SPTLC3: variants seen among roughly 807,000 people sequenced by gnomAD.
SPTLC3 encodes serine palmitoyltransferase long chain base subunit 3, also known as serine palmitoyltransferase 3.
A neutral mutation model predicts 59.3 loss-of-function variants in SPTLC3; 36 were observed. That is an observed-to-expected ratio of 0.61 (90% CI 0.47 to 0.80). SPTLC3 has a LOEUF of 0.80. SPTLC3 is among the 30% of genes least tolerant of loss of function. SPTLC3 has a pLI of 0.00. For missense variants in SPTLC3, 625 were observed against 685.1 expected, an observed-to-expected ratio of 0.91 and a Z score of 0.98; for synonymous variants, 257 against 240.8, an observed-to-expected ratio of 1.07 and a Z score of -0.62.
intron 2 of SPTLC3, among the ~76,000 whole-genome samples, chr20:13,055,704 C>T (rs1354795500): frequency 6.6e-6 from 1 of 152,052 alleles, no homozygotes; most frequent in Non-Finnish European, 1.5e-5. Flanking sequence ...AGAGTTGTTT[C>T]CTAGAAAGCC....
At chr20:13,111,373 T>G (rs930460477) in intron 7 of SPTLC3, among the ~76,000 whole-genome samples, 44 of 152,170 alleles carry the variant, frequency 2.9e-4, no homozygotes, top group African/African-American at 9.7e-4. Flanking sequence ...CTAGGCACAT[T>G]TGGCGATTTT....
chr20:13,071,368 G>A (rs982210397), intron 2 of SPTLC3, among the ~76,000 whole-genome samples: 2 of 152,062 alleles, frequency 1.3e-5, no homozygotes, highest in African/African-American at 2.4e-5. Context: ...GCATTCCTAC[G>A]CGTGATGTTA....
chr20:13,074,685 T>A (rs1988579585), intron 4 of SPTLC3, among the ~76,000 whole-genome samples, 188 bp downstream of exon 4: 1 of 152,258 alleles, frequency 6.6e-6, no homozygotes, highest in South Asian at 2.1e-4. Context: ...ATTAATTGCA[T>A]GTTTCAATTC....
chr20:13,166,003 A>G lies in SPTLC3; in HGVS notation c.*1136A>G, dbSNP rs1386405770. The G allele has an allele frequency of 6.6e-6, 1 of 152,500 alleles. No homozygotes were observed. Among genetic ancestry groups the G allele is most frequent in the African/African-American group, 2.4e-5 (1 of 41,446 alleles). 9.4% of individuals were successfully genotyped at this position (152,500 alleles called of 1,614,324 possible). ...CTTCTCAACATGAACACAAACCTCT[A>G]TGGAAAAGTAGCCTCTTGTTAATCT... On this transcript the variant is annotated 3_prime_UTR_variant, in exon 12 of 12. Coordinates refer to ENST00000399002, the MANE Select transcript of SPTLC3 (RefSeq NM_018327.4).
intron 8 of SPTLC3, 39 bp from the exon 9 acceptor site, chr20:13,126,552 T>G (rs1424528920): frequency 6.2e-7 from 1 of 1,609,264 alleles, no homozygotes; most frequent in African/African-American, 1.3e-5. Context: ...GTGTTGAGAT[T>G]TATTTGCCTT....
intron 4 of SPTLC3, among the ~76,000 whole-genome samples, chr20:13,087,135 T>C (rs544004015): frequency 6.6e-6 from 1 of 152,264 alleles, no homozygotes; most frequent in African/African-American, 2.4e-5. Flanking sequence ...GAAAGGATCT[T>C]GTAGGGAGCA....
chr20:13,164,657 C>T (rs951027879), intron 11 of SPTLC3, 97 bp from the exon 12 acceptor site: 3 of 856,018 alleles, frequency 3.5e-6, no homozygotes, highest in Middle Eastern at 4.4e-4. Flanking sequence ...CAAACTAAGA[C>T]TGTGTGTCTT....
rs2037879064 is a variant in SPTLC3, at chr20:13,122,033, C to G, written c.1152+4308C>G. On this transcript the variant is annotated intron_variant, in intron 8 of 11. Transcript: ENST00000399002. ...GTCTGATCTTTGTCAGTGATGGTCC[C>G]CAAGCTAAGAGACAATTGCTACACT... Among the ~76,000 whole-genome samples, 3 of 152,102 alleles carry G rather than the reference C, an allele frequency of 2.0e-5. No individual in the cohort carries two copies. The South Asian group carries it at 6.2e-4, about 32-fold the overall frequency.
At position 13,166,100 on chromosome 20, in the gene SPTLC3, G is replaced by A. The variant is rs1439588565; in HGVS notation, c.*1233G>A. ...AAGCTCCCAGAGGGTGCCCAGATTT[G>A]GAAATTCTAGAGAGCAGTGGTGACC... On this transcript the variant is annotated 3_prime_UTR_variant, in exon 12 of 12. Coordinates refer to ENST00000399002, the MANE Select transcript of SPTLC3 (RefSeq NM_018327.4). 2 of 152,608 alleles carry A rather than the reference G, an allele frequency of 1.3e-5. No homozygotes were observed. Among genetic ancestry groups the A allele is most frequent in the Non-Finnish European group, 2.9e-5 (2 of 68,030 alleles). The allele number at this position is 152,608 out of a possible 1,614,324, so 9.5% of individuals were successfully genotyped here. A position where few individuals can be genotyped will look rare whatever the true frequency, so the allele number is the denominator to read the frequency against.
chr20:13,093,553 A>G lies in SPTLC3; in HGVS notation c.802A>G (p.Thr268Ala), dbSNP rs1989305470. Residue 268 changes from threonine (T) to alanine (A), a missense_variant, in exon 6 of 12, where the codon ACC (threonine) becomes GCC (alanine). Thr to Ala is a moderately conservative substitution (Grantham distance 58). Transcript: ENST00000399002. The stretch of plus-strand genomic sequence containing the variant: ...GCTTGGGGCCCGACTCTCAGGTGCA[A>G]CCATAAGAATCTTCAAACACAACAG... ...LVLGARLSGA[T>A]IRIFKHNNTQ... The G allele has an allele frequency of 6.2e-7, 1 of 1,613,558 alleles. No individual in the cohort carries two copies. Among genetic ancestry groups the G allele is most frequent in the Non-Finnish European group, 8.5e-7 (1 of 1,179,534 alleles).
At chr20:13,133,159 C>T (rs2038164192) in intron 9 of SPTLC3, 1 of 152,376 alleles carries the variant, frequency 6.6e-6, no homozygotes, top group African/African-American at 2.4e-5. Context: ...TGCCAGGCCT[C>T]TTTCCCTATC....
chr20:13,135,451 T>C (rs1421794016), intron 9 of SPTLC3, among the ~76,000 whole-genome samples: 2 of 152,170 alleles, frequency 1.3e-5, no homozygotes, highest in Non-Finnish European at 2.9e-5. Flanking sequence ...TGGCACTTTT[T>C]TGAAAAAAGA....
intron 8 of SPTLC3, among the ~76,000 whole-genome samples, chr20:13,118,089 C>G (rs918051473): frequency 7.2e-5 from 11 of 151,930 alleles, no homozygotes; most frequent in Admixed American, 3.3e-4. Context: ...ATTTAACACA[C>G]AGAGAGAATA....
chr20:13,109,869 C>A (rs1990125906), intron 6 of SPTLC3, among the ~76,000 whole-genome samples: 1 of 152,160 alleles, frequency 6.6e-6, no homozygotes, highest in Non-Finnish European at 1.5e-5. Context: ...GCCTAGGAAA[C>A]CATGCCCCAC....
intron 8 of SPTLC3, among the ~76,000 whole-genome samples, chr20:13,120,790 G>A (rs955586767): frequency 2.6e-5 from 4 of 152,206 alleles, no homozygotes; most frequent in Non-Finnish European, 4.4e-5. Flanking sequence ...CTGCTAATTG[G>A]AAGTTGCTGC....
intron 1 of SPTLC3, among the ~76,000 whole-genome samples, chr20:13,029,064 T>C (rs1354666072): frequency 6.6e-6 from 1 of 152,186 alleles, no homozygotes; most frequent in Admixed American, 6.5e-5. Flanking sequence ...AGTAACACTA[T>C]TTGTCCACCC....
At chr20:13,126,518 G>A (rs767204326) in intron 8 of SPTLC3, 73 bp from the exon 9 acceptor site, 16 of 1,573,524 alleles carry the variant, frequency 1.0e-5, no homozygotes, top group Non-Finnish European at 1.4e-5. Flanking sequence ...ATAGGGATGG[G>A]ACTAGATGTA....
chr20:13,163,496 A>G (rs6041930), intron 11 of SPTLC3, among the ~76,000 whole-genome samples: 3,572 of 151,984 alleles, frequency 0.024, 68 homozygotes, highest in South Asian at 0.032. Flanking sequence ...TCCATCCCCC[A>G]CCTTCAGCAA....
chr20:13,151,063 GT>G (rs1194604048), intron 9 of SPTLC3, among the ~76,000 whole-genome samples: 3 of 152,118 alleles, frequency 2.0e-5, no homozygotes, highest in Non-Finnish European at 2.9e-5. Flanking sequence ...AAGCTCTTCT[GT>G]TTTTATATCT....
Sources: allele counts gnomAD v4.1 joint callset (sites outside exome capture counted in the v4.1 genomes callset), GRCh38; gene constraint gnomAD v4.1.1; transcripts MANE v1.5; gene names NCBI Gene and HGNC (gene_info 2026-07-23, HGNC 2026-07-21).